KISS1R: variants seen among roughly 807,000 people sequenced by gnomAD.
The protein encoded by KISS1R is KISS1 receptor, also known as kiSS-1 receptor.
A neutral mutation model predicts 22.0 loss-of-function variants in KISS1R; 19 were observed. The observed-to-expected ratio is 0.86, with a 90% CI of 0.60 to 1.26. KISS1R has a LOEUF of 1.26. KISS1R is among the 50% of genes most tolerant of loss of function. The pLI, the probability that KISS1R is intolerant of heterozygous loss-of-function variation, is 0.00. For synonymous variants in KISS1R, 302 were observed against 283.9 expected (o/e 1.06, Z -0.64); for missense variants, 653 against 581.9 (o/e 1.12, Z -1.26).
In KISS1R at chr19:920,035, T is replaced by C. The variant is rs2037102475; in HGVS notation, c.667T>C (p.Cys223Arg). The C allele has an allele frequency of 6.5e-7, 1 of 1,539,022 alleles. No homozygotes were observed. Among genetic ancestry groups the C allele is most frequent in the Non-Finnish European group, 8.7e-7 (1 of 1,146,154 alleles). ...YLLPLLATCA[C>R]YAAMLRHLGR... ...GCTGCCGCTGCTCGCCACCTGCGCC[T>C]GCTATGCGGCCATGCTGCGCCACCT... Residue 223 changes from cysteine to arginine, a missense_variant, in exon 4 of 5, where the codon TGC becomes CGC. Physicochemically the swap from Cys to Arg is radical, Grantham distance 180. Coordinates refer to ENST00000234371, the MANE Select transcript of KISS1R (RefSeq NM_032551.5).
chr19:917,851 C>T, intron 1 of KISS1R, 105 bp downstream of exon 1: 1 of 1,341,190 alleles, frequency 7.5e-7, no homozygotes, highest in Non-Finnish European at 1.0e-6. Flanking sequence ...TCGGACCCGG[C>T]TCTGTCCCCT....
In KISS1R at chr19:919,933, G is replaced by T. The variant is rs73507527; in HGVS notation, c.565G>T (p.Ala189Ser). 1.9e-6 allele frequency: 3 copies of T among 1,564,128 alleles called. No homozygotes were observed. The highest frequency in any genetic ancestry group is 1.2e-5 in the South Asian group (1 of 85,980). Residue 189 changes from alanine (A) to serine (S), a missense_variant, in exon 4 of 5, where the codon GCC (alanine) becomes TCC (serine). By Grantham distance (99) the Ala-to-Ser change is moderately conservative (BLOSUM62 1). Transcript: ENST00000234371. Reference protein sequence around the residue: ...ALHRLSPGPRAYCSEAFPSRA... With the variant: ...ALHRLSPGPRSYCSEAFPSRA... ...GCACCGCCTGTCACCCGGGCCGCGC[G>T]CCTACTGCAGTGAGGCCTTCCCCAG... is the stretch of plus-strand genomic sequence containing the variant.
At chr19:919,776 C>G in intron 3 of KISS1R, 98 bp from the exon 4 acceptor site, 1 of 1,488,608 alleles carries the variant, frequency 6.7e-7, no homozygotes, top group Non-Finnish European at 9.1e-7. Context: ...ACGGGGCGCC[C>G]GGGCCTTTGC....
Position 918,101 on chromosome 19 carries a change from C to T in KISS1R, c.244+355C>T, listed in dbSNP as rs185057953. Reference sequence around the variant, plus strand: ...TTGGCCCGCGGGCCTTAGTTTGCGACCCCTGCCCCGGTGGCTCTCTGAGCC... The same window carrying T: ...TTGGCCCGCGGGCCTTAGTTTGCGATCCCTGCCCCGGTGGCTCTCTGAGCC... On this transcript the variant is annotated intron_variant, in intron 1 of 4. Transcript: ENST00000234371. 9.8e-4 allele frequency among the ~76,000 whole-genome samples: 149 copies of T among 152,208 alleles called. 1 individual carries two copies. The highest frequency in any genetic ancestry group is 2.2e-3 in the Admixed American group (34 of 15,300).
chr19:920,127 G>A (rs1294703621), intron 4 of KISS1R, 21 bp downstream of exon 4: 1 of 1,485,682 alleles, frequency 6.7e-7, no homozygotes, highest in East Asian at 2.6e-5. Flanking sequence ...TGGGTGGGAG[G>A]ACAGCAAGGC....
At chr19:919,691 C>A in intron 3 of KISS1R, 66 bp downstream of exon 3, 2 of 1,532,542 alleles carry the variant, frequency 1.3e-6, no homozygotes, top group Non-Finnish European at 8.8e-7. Context: ...GCGCCCGGAG[C>A]CACCTGCCGC....
chr19:917,771 C>A, intron 1 of KISS1R, 25 bp downstream of exon 1: 2 of 1,586,294 alleles, frequency 1.3e-6, no homozygotes, highest in Non-Finnish European at 1.7e-6. Context: ...TGCGCCGCAC[C>A]TGCTGCCGTC....
Position 920,753 on chromosome 19 carries a change from A to C in KISS1R, c.*5A>C. 2.3e-6 allele frequency: 3 copies of C among 1,276,618 alleles called. No individual in the cohort carries two copies. Among genetic ancestry groups the C allele is most frequent in the Non-Finnish European group, 3.0e-6 (3 of 1,012,422 alleles). 79.1% of individuals were successfully genotyped at this position (1,276,618 alleles called of 1,614,324 possible). On this transcript the variant is annotated 3_prime_UTR_variant, in exon 5 of 5. Transcript: ENST00000234371. ...GAGGACAACGCCCCTCTCTGAGCGGACCCGGTGGGAATCCGAGCGGCTCCC... is the reference window on the plus strand; with the variant it reads ...GAGGACAACGCCCCTCTCTGAGCGGCCCCGGTGGGAATCCGAGCGGCTCCC...
In KISS1R at chr19:917,436, G is replaced by A; in HGVS notation, c.-67G>A. The A allele has an allele frequency of 1.0e-5, 14 of 1,376,694 alleles. No homozygotes were observed. The highest frequency in any genetic ancestry group is 1.3e-5 in the Non-Finnish European group (14 of 1,073,210). The allele number at this position is 1,376,694 out of a possible 1,614,324, so 85.3% of individuals were successfully genotyped here. A position where few individuals can be genotyped will look rare whatever the true frequency, so the allele number is the denominator to read the frequency against. ...CGCAGCCCCCGGGCGGTCGGGCGGA[G>A]GGGTCCCCGGGGCGGTGCCAGGGCG... On this transcript the variant is annotated 5_prime_UTR_variant, in exon 1 of 5. Coordinates refer to ENST00000234371, the MANE Select transcript of KISS1R (RefSeq NM_032551.5).
At chr19:919,734 G>T in intron 3 of KISS1R, 109 bp downstream of exon 3, 2 of 1,512,086 alleles carry the variant, frequency 1.3e-6, no homozygotes, top group Non-Finnish European at 1.8e-6. Flanking sequence ...GGGCGCAATA[G>T]CTCTGCCTGC....
chr19:920,121 T>C lies in KISS1R; in HGVS notation c.738+15T>C. 6.7e-7 allele frequency: 1 copy of C among 1,487,002 alleles called. No individual in the cohort carries two copies. Among genetic ancestry groups the C allele is most frequent in the Non-Finnish European group, 8.9e-7 (1 of 1,127,368 alleles). 92.1% of individuals were successfully genotyped at this position (1,487,002 alleles called of 1,614,324 possible). A position where few individuals can be genotyped will look rare whatever the true frequency, so the allele number is the denominator to read the frequency against. On this transcript the variant is annotated intron_variant, in intron 4 of 4. Transcript: ENST00000234371. Reference sequence around the variant, plus strand: ...GCGCCCTGCAGGTGCGCGGCGTGGGTGGGAGGACAGCAAGGCTGGGCGGGC... The same window carrying C: ...GCGCCCTGCAGGTGCGCGGCGTGGGCGGGAGGACAGCAAGGCTGGGCGGGC...
At position 917,585 on chromosome 19, in the gene KISS1R, A is replaced by G; in HGVS notation, c.83A>G (p.Asn28Ser). Residue 28 changes from asparagine to serine, a missense_variant, in exon 1 of 5, where the codon AAC (asparagine) becomes AGC (serine). Asn to Ser is a conservative substitution (Grantham distance 46). Coordinates refer to ENST00000234371, the MANE Select transcript of KISS1R (RefSeq NM_032551.5). ...TCCGGCTGCCCGGGCTGTGGCGCCA[A>G]CGCCTCGGACGGCCCAGTCCCTTCG... Reference protein sequence around the residue: ...NASGCPGCGANASDGPVPSPR... With the variant: ...NASGCPGCGASASDGPVPSPR... 1 of 1,540,280 alleles carries G rather than the reference A, an allele frequency of 6.5e-7. No homozygotes were observed. The highest frequency in any genetic ancestry group is 8.7e-7 in the Non-Finnish European group (1 of 1,146,812).
intron 1 of KISS1R, 50 bp downstream of exon 1, chr19:917,796 G>A (rs755486862): frequency 6.4e-7 from 1 of 1,552,166 alleles, no homozygotes; most frequent in Non-Finnish European, 8.7e-7. Context: ...GGGCTCCGAG[G>A]GCCGAGCGGC....
chr19:920,424 G>C lies in KISS1R; in HGVS notation c.873G>C (p.Ala291=). ...LFLVLQALGP[A]GSWHPRSYAA... ...TGGTGCTGCAGGCGCTGGGCCCCGC[G>C]GGCTCCTGGCACCCACGCAGCTACG... Residue 291 remains alanine (A), a synonymous_variant, in exon 5 of 5, where the codon GCG becomes GCC. Transcript: ENST00000234371. 1.2e-6 allele frequency: 2 copies of C among 1,608,476 alleles called. No individual in the cohort carries two copies. The highest frequency in any genetic ancestry group is 2.2e-5 in the South Asian group (2 of 90,572).
chr19:919,457 G>A (rs2145319728), intron 2 of KISS1R, 33 bp from the exon 3 acceptor site: 6 of 1,539,858 alleles, frequency 3.9e-6, no homozygotes, highest in Non-Finnish European at 5.2e-6. Flanking sequence ...CAACCGCGCA[G>A]GTGGCCACAC....
Position 917,763 on chromosome 19 carries a change from C to T in KISS1R, c.244+17C>T, listed in dbSNP as rs776369515. 1.3e-6 allele frequency: 2 copies of T among 1,590,254 alleles called. No homozygotes were observed. Among genetic ancestry groups the T allele is most frequent in the South Asian group, 1.1e-5 (1 of 89,276 alleles). On this transcript the variant is annotated intron_variant, in intron 1 of 4. Transcript: ENST00000234371. ...TCTACATCGGTGAGTGCGGGCGCTGCGCCGCACCTGCTGCCGTCCCGGGGG... is the reference window on the plus strand; with the variant it reads ...TCTACATCGGTGAGTGCGGGCGCTGTGCCGCACCTGCTGCCGTCCCGGGGG...
rs565693558 is a variant in KISS1R at position 920,710 on chromosome 19, G to A, written c.1159G>A (p.Gly387Arg). The A allele has an allele frequency of 2.3e-6, 3 of 1,306,924 alleles. No individual in the cohort carries two copies. Among genetic ancestry groups the A allele is most frequent in the South Asian group, 2.7e-5 (1 of 37,698 alleles). 81.0% of individuals were successfully genotyped at this position (1,306,924 alleles called of 1,614,324 possible). The change falls in exon 5 of 5, where the codon GGG becomes AGG. Residue 387 changes from glycine to arginine, a missense_variant. Coordinates refer to ENST00000234371, the MANE Select transcript of KISS1R (RefSeq NM_032551.5). ...KPGSSGLAAR[G>R]LCVLGEDNAP... ...AGGGAGCAGTGGGCTGGCCGCGCGC[G>A]GGCTGTGCGTCCTGGGGGAGGACAA... is the stretch of plus-strand genomic sequence containing the variant.
Position 919,486 on chromosome 19 carries a change from G to C in KISS1R, c.370-4G>C, listed in dbSNP as rs2037093712. On this transcript the variant is annotated splice_polypyrimidine_tract_variant and splice_region_variant and intron_variant, in intron 2 of 4. Transcript: ENST00000234371. Reference sequence around the variant, plus strand: ...GCCACACGCCCGGCTGGCGGCTCCCGCAGGTCTCGGTGCAGGCCACGTGTG... The same window carrying C: ...GCCACACGCCCGGCTGGCGGCTCCCCCAGGTCTCGGTGCAGGCCACGTGTG... The C allele has an allele frequency of 7.1e-6, 11 of 1,546,860 alleles. No individual in the cohort carries two copies. The highest frequency in any genetic ancestry group is 9.5e-6 in the Non-Finnish European group (11 of 1,152,374).
rs1269448845 is a variant in KISS1R at position 920,375 on chromosome 19, G to C, written c.824G>C (p.Cys275Ser). ...GCCGTGGTCCTGCTCTTCGCCGCCTGCTGGGGCCCCATCCAGCTGTTCCTG... is the reference window on the plus strand; with the variant it reads ...GCCGTGGTCCTGCTCTTCGCCGCCTCCTGGGGCCCCATCCAGCTGTTCCTG... ...VAAVVLLFAA[C>S]WGPIQLFLVL... Residue 275 changes from cysteine to serine, a missense_variant, in exon 5 of 5, where the codon TGC becomes TCC. By Grantham distance (112) the Cys-to-Ser change is moderately radical. Coordinates refer to ENST00000234371, the MANE Select transcript of KISS1R (RefSeq NM_032551.5). The C allele has an allele frequency of 1.3e-6, 2 of 1,586,196 alleles. No homozygotes were observed. The highest frequency in any genetic ancestry group is 1.7e-6 in the Non-Finnish European group (2 of 1,172,052).
Sources: gnomAD v4.1 joint callset for allele counts (sites outside exome capture counted in the v4.1 genomes callset) on GRCh38, gnomAD v4.1.1 for gene constraint, MANE v1.5 for transcripts, NCBI Gene and HGNC (gene_info 2026-07-23, HGNC 2026-07-21) for gene names.